Variants in MTIF2 observed in about 807,000 individuals in gnomAD.
MTIF2 encodes translation initiation factor IF-2, mitochondrial.
In MTIF2, 71 loss-of-function variants were observed where a neutral mutation model predicts 83.5. The ratio of observed to expected loss-of-function variants is 0.85; its 90% CI spans 0.70 to 1.04. The LOEUF (loss-of-function observed/expected upper bound fraction) is 1.04. Among genes scored for constraint, MTIF2 ranks in the 50% least tolerant of loss-of-function variants. MTIF2 has a pLI of 0.00. For missense variants in MTIF2, 957 were observed against 846.5 expected, an observed-to-expected ratio of 1.13 and a Z score of -1.62; for synonymous variants, 319 against 287.1, an observed-to-expected ratio of 1.11 and a Z score of -1.12.
chr2:55,256,599 G>C (rs1431405999), intron 5 of MTIF2, among the ~76,000 whole-genome samples: 2 of 151,648 alleles, frequency 1.3e-5, no homozygotes, highest in African/African-American at 4.8e-5. Context: ...CAGCTACTCG[G>C]GAGGCTGAGG....
intron 10 of MTIF2, 63 bp downstream of exon 10, chr2:55,246,274 C>T (rs1676692824): frequency 6.7e-7 from 1 of 1,492,106 alleles, no homozygotes. Flanking sequence ...AATACATTGT[C>T]ATATAATCAA....
intron 3 of MTIF2, among the ~76,000 whole-genome samples, chr2:55,265,939 G>C (rs1678397067): frequency 6.6e-6 from 1 of 151,912 alleles, no homozygotes; most frequent in Admixed American, 6.6e-5. Flanking sequence ...TGTTTACATA[G>C]TATTTGCTTT....
At chr2:55,239,885 A>G in intron 14 of MTIF2, 126 bp downstream of exon 14, 1 of 793,146 alleles carries the variant, frequency 1.3e-6, no homozygotes, top group Non-Finnish European at 1.9e-6. Flanking sequence ...CATGGTAGTC[A>G]TTTTTTTCTA....
chr2:55,246,136 A>C (rs914632977), intron 10 of MTIF2, among the ~76,000 whole-genome samples: 3 of 152,268 alleles, frequency 2.0e-5, no homozygotes, highest in African/African-American at 7.2e-5. Context: ...GTACATGGAT[A>C]GCTGCTATGG....
chr2:55,268,873 C>T (rs1052609092), intron 1 of MTIF2, 134 bp from the exon 2 acceptor site: 36 of 152,154 alleles, frequency 2.4e-4, no homozygotes, highest in African/African-American at 8.0e-4. Flanking sequence ...TGGCTCGCCT[C>T]AAATTGGAGC....
rs915257321 is a variant in MTIF2, at chr2:55,256,479, G to A, written c.332-1654C>T. On this transcript the variant is annotated intron_variant, in intron 5 of 15. Coordinates refer to ENST00000263629, the MANE Select transcript of MTIF2 (RefSeq NM_002453.3). Reference sequence around the variant, plus strand: ...TCCCAACACTTTGGGAGGCCGAGGCGGGCAGATCACGAGGTCAGGAGTTCA... The same window carrying A: ...TCCCAACACTTTGGGAGGCCGAGGCAGGCAGATCACGAGGTCAGGAGTTCA... Among the ~76,000 whole-genome samples, 10 of 151,898 alleles carry A rather than the reference G, an allele frequency of 6.6e-5. 1 individual carries two copies. The highest frequency in any genetic ancestry group is 6.2e-4 in the South Asian group (3 of 4,804).
intron 10 of MTIF2, among the ~76,000 whole-genome samples, chr2:55,245,725 G>T (rs182344745): frequency 6.7e-6 from 1 of 148,216 alleles, no homozygotes; most frequent in Non-Finnish European, 1.5e-5. Flanking sequence ...TAATAAATGG[G>T]ATGTTAGGTG....
intron 14 of MTIF2, 109 bp from the exon 15 acceptor site, chr2:55,237,537 T>C: frequency 9.7e-6 from 10 of 1,034,266 alleles, no homozygotes; most frequent in Non-Finnish European, 1.3e-5. Context: ...AAATCCAAAT[T>C]CATGCCTAGA....
At chr2:55,265,275 T>C (rs537715339) in intron 3 of MTIF2, among the ~76,000 whole-genome samples, 260 of 151,120 alleles carry the variant, frequency 1.7e-3, no homozygotes, top group Non-Finnish European at 1.8e-3. Context: ...GAAGAACATG[T>C]TTTCTTCTTA....
intron 14 of MTIF2, among the ~76,000 whole-genome samples, chr2:55,239,436 G>A (rs1373287601): frequency 6.6e-6 from 1 of 151,976 alleles, no homozygotes; most frequent in Non-Finnish European, 1.5e-5. Flanking sequence ...ATATATAGGA[G>A]TTCCTGGTTT....
In MTIF2 at chr2:55,243,006, C is replaced by G; in HGVS notation, c.1639G>C (p.Glu547Gln). The change falls in exon 13 of 16, where the codon GAA (glutamate) becomes CAA (glutamine). Residue 547 changes from glutamate (E) to glutamine (Q), a missense_variant. Glu to Gln is a conservative substitution (Grantham distance 29). Around this residue, in one of 3 missense-constraint regions of MTIF2, gnomAD observed 733 missense variants for 648.7 expected, o/e 1.13. Coordinates refer to ENST00000263629, the MANE Select transcript of MTIF2 (RefSeq NM_002453.3). ...TCACCCACTCCAAAATGTACTAATTCTAGTTCACACTCGTGTGAAGCATCA... is the reference window on the plus strand; with the variant it reads ...TCACCCACTCCAAAATGTACTAATTGTAGTTCACACTCGTGTGAAGCATCA... ...TYDASHECEL[E>Q]LVHFGVGDVS... is the part of the protein sequence containing the mutation. 1 of 1,612,918 alleles carries G rather than the reference C, an allele frequency of 6.2e-7. No individual in the cohort carries two copies. Among genetic ancestry groups the G allele is most frequent in the Non-Finnish European group, 8.5e-7 (1 of 1,179,318 alleles).
intron 4 of MTIF2, 104 bp from the exon 5 acceptor site, chr2:55,262,531 CTTTTTTTTTCT>C: frequency 3.0e-6 from 1 of 327,968 alleles, no homozygotes. Flanking sequence ...ACATTTCTTT[CTTTTTTTTTCT>C]TTTTTTTTTT....
intron 5 of MTIF2, among the ~76,000 whole-genome samples, chr2:55,257,296 A>G (rs975257303): frequency 3.3e-5 from 5 of 152,142 alleles, no homozygotes; most frequent in Non-Finnish European, 7.3e-5. Flanking sequence ...CCTGGCCAAC[A>G]TGGTGAAACC....
Position 55,243,538 on chromosome 2 carries a change from T to C in MTIF2, c.1442A>G (p.Tyr481Cys). Residue 481 changes from tyrosine (Y) to cysteine (C), a missense_variant, in exon 12 of 16, where the codon TAT (tyrosine) becomes TGT (cysteine). Transcript: ENST00000263629. The part of the protein sequence containing the change: ...KEAHQKAREK[Y>C]GHLLWKKRSI... The stretch of plus-strand genomic sequence containing the variant: ...TCTCTTCTTCCACAGTAGATGGCCA[T>C]ACTTCTCACGGGCTTTCTGATGTGC... 1 of 1,614,156 alleles carries C rather than the reference T, an allele frequency of 6.2e-7. No homozygotes were observed. The highest frequency in any genetic ancestry group is 8.5e-7 in the Non-Finnish European group (1 of 1,180,010).
At position 55,258,574 on chromosome 2, in the gene MTIF2, G is replaced by T. The variant is rs533625323; in HGVS notation, c.331+3742C>A. On this transcript the variant is annotated intron_variant, in intron 5 of 15. Coordinates refer to ENST00000263629, the MANE Select transcript of MTIF2 (RefSeq NM_002453.3). ...CGTCTGTAATCCCAGAACTTTGGGA[G>T]GCTAAGGTGGGTGGATCACCTGAGG... 2.0e-5 allele frequency among the ~76,000 whole-genome samples: 3 copies of T among 151,440 alleles called. No individual in the cohort carries two copies. In the East Asian group the frequency reaches 5.8e-4, roughly 29 times the overall value.
In MTIF2 at chr2:55,254,035, T is replaced by A. The variant is rs1677318368; in HGVS notation, c.664+6A>T. The A allele has an allele frequency of 6.2e-7, 1 of 1,613,430 alleles. No homozygotes were observed. Among genetic ancestry groups the A allele is most frequent in the Admixed American group, 1.7e-5 (1 of 59,922 alleles). On this transcript the variant is annotated splice_donor_region_variant and intron_variant, in intron 7 of 15. Transcript: ENST00000263629. ...AAGCACATTGTAAGGTAATTTGTGTTCATACCAAGAAAGGCACCAATGTGC... is the reference window on the plus strand; with the variant it reads ...AAGCACATTGTAAGGTAATTTGTGTACATACCAAGAAAGGCACCAATGTGC...
intron 14 of MTIF2, among the ~76,000 whole-genome samples, chr2:55,239,661 T>C (rs1481467036): frequency 1.3e-5 from 2 of 152,232 alleles, no homozygotes; most frequent in African/African-American, 4.8e-5. Flanking sequence ...GGTAGACTTC[T>C]CTGCCAGCCC....
At chr2:55,243,177 T>C (rs1373453100) in intron 12 of MTIF2, 97 bp from the exon 13 acceptor site, 1 of 1,282,188 alleles carries the variant, frequency 7.8e-7, no homozygotes, top group East Asian at 2.5e-5. Flanking sequence ...GATAGGAATG[T>C]CATTTATCAC....
Position 55,254,675 on chromosome 2 carries a change from T to G in MTIF2, c.482A>C (p.Lys161Thr), listed in dbSNP as rs773836144. 2.5e-6 allele frequency: 4 copies of G among 1,604,286 alleles called. No homozygotes were observed. Among genetic ancestry groups the G allele is most frequent in the Non-Finnish European group, 2.6e-6 (3 of 1,176,034 alleles). ...WSKLKQDKVR[K>T]NKDAVRRPQA... ...TTACCTTCTTACAGCATCTTTATTT[T>G]TTCTGACTTTGTCCTGTTTTAATTT... Residue 161 changes from lysine to threonine, a missense_variant, in exon 6 of 16, where the codon AAA becomes ACA. Around this residue, in one of 3 missense-constraint regions of MTIF2, gnomAD observed 733 missense variants for 648.7 expected, o/e 1.13. Transcript: ENST00000263629.
Sources: allele counts gnomAD v4.1 joint callset (sites outside exome capture counted in the v4.1 genomes callset), GRCh38; gene constraint gnomAD v4.1.1; regional missense constraint gnomAD v4.1.1; transcripts MANE v1.5; gene names NCBI Gene and HGNC (gene_info 2026-07-23, HGNC 2026-07-21).